SOCS7: variants seen among roughly 807,000 people sequenced by gnomAD.
SOCS7 encodes NAP-4.
A neutral mutation model predicts 58.9 loss-of-function variants in SOCS7; 18 were observed. The ratio of observed to expected loss-of-function variants is 0.31; its 90% CI spans 0.21 to 0.45. The LOEUF (loss-of-function observed/expected upper bound fraction) is 0.45, where lower values mean the gene tolerates loss of function less well. Among genes scored for constraint, SOCS7 ranks in the 20% least tolerant of loss-of-function variants. The pLI, the probability that SOCS7 is intolerant of heterozygous loss-of-function variation, is 1.00. For synonymous variants in SOCS7, 388 were observed against 364.3 expected (o/e 1.06, Z -0.74); for missense variants, 667 against 837.3 (o/e 0.80, Z 2.51).
intron 7 of SOCS7, among the ~76,000 whole-genome samples, chr17:38,393,210 CAGTAACAATAAA>C (rs1444304570): frequency 6.6e-6 from 1 of 151,846 alleles, no homozygotes; most frequent in Non-Finnish European, 1.5e-5. Context: ...TTAACTTGTT[CAGTAACAATAAA>C]ATAATGTATT....
In SOCS7 at chr17:38,400,127, T is replaced by C. The variant is rs1289259758; in HGVS notation, c.*645T>C. ...GCCAATTGGCCTTAGCTGGGAGAAG[T>C]AGTGACTCCTGCATCCTTTTTTAAG... On this transcript the variant is annotated 3_prime_UTR_variant, in exon 10 of 10. Transcript: ENST00000612932. 1.3e-5 allele frequency: 2 copies of C among 152,168 alleles called. No individual in the cohort carries two copies. The highest frequency in any genetic ancestry group is 2.9e-5 in the Non-Finnish European group (2 of 68,026). 9.4% of individuals were successfully genotyped at this position (152,168 alleles called of 1,614,324 possible). A position where few individuals can be genotyped will look rare whatever the true frequency, so the allele number is the denominator to read the frequency against.
At position 38,368,084 on chromosome 17, in the gene SOCS7, C is replaced by A. The variant is rs769706559; in HGVS notation, c.1552+34C>A. 6 of 1,546,294 alleles carry A rather than the reference C, an allele frequency of 3.9e-6. No homozygotes were observed. In the African/African-American group the frequency reaches 4.1e-5, roughly 11 times the overall value. On this transcript the variant is annotated intron_variant, in intron 6 of 9. Transcript: ENST00000612932. ...TACTGGTAAGAGAGGCTTCTTCCCC[C>A]CTTGATTTGCTCTACCTTTGCTGTC...
rs528427354 is a variant in SOCS7, at chr17:38,353,969, A to G, written c.980+937A>G. On this transcript the variant is annotated intron_variant, in intron 1 of 9. Transcript: ENST00000612932. ...TCTCTCAAAGCCTTTTGAGAATTCTAAGTACCAGTAAGATATAGACAAGGT... is the reference window on the plus strand; with the variant it reads ...TCTCTCAAAGCCTTTTGAGAATTCTGAGTACCAGTAAGATATAGACAAGGT... 4.6e-5 allele frequency among the ~76,000 whole-genome samples: 7 copies of G among 152,284 alleles called. No individual in the cohort carries two copies. In the East Asian group the frequency reaches 1.4e-3, roughly 29 times the overall value.
intron 7 of SOCS7, among the ~76,000 whole-genome samples, chr17:38,383,274 A>G (rs930366617): frequency 5.9e-5 from 9 of 152,146 alleles, no homozygotes; most frequent in African/African-American, 2.2e-4. Flanking sequence ...TGCAAGAGTT[A>G]ACTCATGTAA....
chr17:38,381,523 CT>C (rs2038000016), intron 7 of SOCS7, among the ~76,000 whole-genome samples: 1 of 152,124 alleles, frequency 6.6e-6, no homozygotes, highest in South Asian at 2.1e-4. Context: ...AAGTGTTACC[CT>C]TTGAGGGGAT....
At chr17:38,357,209 C>G (rs147179352) in intron 1 of SOCS7, among the ~76,000 whole-genome samples, 1,930 of 152,318 alleles carry the variant, frequency 0.013, 39 homozygotes, top group African/African-American at 0.043. Context: ...ACTTTTTTCA[C>G]TGTATCCTTG....
chr17:38,360,413 G>A (rs1555567395), intron 1 of SOCS7, among the ~76,000 whole-genome samples: 1 of 151,824 alleles, frequency 6.6e-6, no homozygotes, highest in East Asian at 1.9e-4. Flanking sequence ...GGCTGGTCTC[G>A]GGCTCCTGAC....
chr17:38,386,323 CAA>C (rs548448434), intron 7 of SOCS7, among the ~76,000 whole-genome samples: 10 of 51,792 alleles, frequency 1.9e-4, no homozygotes, highest in Admixed American at 6.5e-4. Flanking sequence ...GGCTGTGTCT[CAA>C]AAAAAAAAAA....
At chr17:38,384,785 G>T (rs965636843) in intron 7 of SOCS7, among the ~76,000 whole-genome samples, 1 of 150,806 alleles carries the variant, frequency 6.6e-6, no homozygotes, top group African/African-American at 2.4e-5. Context: ...TAGAGGCAGG[G>T]TTTTACCATG....
intron 7 of SOCS7, among the ~76,000 whole-genome samples, chr17:38,387,133 G>GTGTGTGTGTATATA (rs1269515665): frequency 1.1e-4 from 8 of 73,492 alleles, no homozygotes; most frequent in African/African-American, 5.6e-4. Flanking sequence ...ATATATGTAT[G>GTGTGTGTGTATATA]TATATATATA....
chr17:38,395,456 T>C lies in SOCS7; in HGVS notation c.1817+12T>C, dbSNP rs1460076517. The C allele has an allele frequency of 1.2e-6, 2 of 1,611,188 alleles. No individual in the cohort carries two copies. Among genetic ancestry groups the C allele is most frequent in the African/African-American group, 1.3e-5 (1 of 74,850 alleles). ...CTCCCACTGCCTAAGTACAATGGGG[T>C]TGTCAGGTTTGGGACAGGAATGAGT... On this transcript the variant is annotated intron_variant, in intron 8 of 9. Transcript: ENST00000612932.
At chr17:38,390,818 C>T (rs1230188019) in intron 7 of SOCS7, among the ~76,000 whole-genome samples, 1 of 151,614 alleles carries the variant, frequency 6.6e-6, no homozygotes, top group African/African-American at 2.4e-5. Flanking sequence ...ACTTCAGCCT[C>T]CTGTGTAGCT....
intron 9 of SOCS7, among the ~76,000 whole-genome samples, chr17:38,398,951 A>G (rs575783538): frequency 3.3e-5 from 5 of 152,158 alleles, no homozygotes; most frequent in South Asian, 4.2e-4. Context: ...TTAGCCAGGC[A>G]TGGTGGCGCA....
intron 7 of SOCS7, among the ~76,000 whole-genome samples, chr17:38,387,102 A>AAAAAAATAT (rs1244894607): frequency 5.9e-5 from 3 of 51,136 alleles, no homozygotes; most frequent in Non-Finnish European, 3.0e-5. Context: ...AAAAAAAAAA[A>AAAAAAATAT]ATATATATAT....
At chr17:38,368,160 A>C in intron 6 of SOCS7, 110 bp downstream of exon 6, 1 of 961,618 alleles carries the variant, frequency 1.0e-6, no homozygotes, top group Non-Finnish European at 1.5e-6. Context: ...AATAGGGGAA[A>C]AATTATCTTA....
rs755780619 is a variant in SOCS7, at chr17:38,352,703, G to A, written c.651G>A (p.Gln217=). The A allele has an allele frequency of 1.2e-5, 19 of 1,549,816 alleles. No homozygotes were observed. In the South Asian group the frequency reaches 2.0e-4, roughly 16 times the overall value. Residue 217 remains glutamine (Q), a synonymous_variant, in exon 1 of 10, where the codon CAG becomes CAA. Coordinates refer to ENST00000612932, the MANE Select transcript of SOCS7 (RefSeq NM_014598.4). This position sits in a 1 kb window ranked among gnomAD's most constrained non-coding sequence, Gnocchi z 5.5. ...GGGGGGRLLL[Q]PPGPELPPVP... is the part of the protein sequence containing the mutation. ...GAGGGGGCGGCCGGCTTCTGCTGCA[G>A]CCCCCAGGCCCTGAATTACCTCCGG...
intron 1 of SOCS7, 89 bp downstream of exon 1, chr17:38,353,121 T>G: frequency 8.1e-7 from 1 of 1,239,820 alleles, no homozygotes; most frequent in Non-Finnish European, 1.1e-6. Flanking sequence ...TGACAGTTCT[T>G]AAGATAGGGT....
intron 6 of SOCS7, among the ~76,000 whole-genome samples, chr17:38,371,184 G>A (rs1195243034): frequency 1.3e-5 from 2 of 152,050 alleles, no homozygotes; most frequent in Non-Finnish European, 2.9e-5. Flanking sequence ...CACGATCTCG[G>A]CTCACTGCAG....
intron 7 of SOCS7, among the ~76,000 whole-genome samples, chr17:38,387,584 T>C (rs377178098): frequency 9.0e-6 from 1 of 111,682 alleles, no homozygotes; most frequent in Non-Finnish European, 1.7e-5. Context: ...ACACAATATA[T>C]TGTATATATT....
Sources: allele counts gnomAD v4.1 joint callset (sites outside exome capture counted in the v4.1 genomes callset), GRCh38; gene constraint gnomAD v4.1.1; non-coding constraint Gnocchi (gnomAD v3.1); transcripts MANE v1.5; gene names NCBI Gene and HGNC (gene_info 2026-07-23, HGNC 2026-07-21).